The following SAMD5 variants were observed in gnomAD, a reference collection of about 807,000 sequenced individuals.
SAMD5 encodes sterile alpha motif domain-containing protein 5.
Under a neutral mutation model 11.3 loss-of-function variants are expected in SAMD5, and 13 were observed. That is an observed-to-expected ratio of 1.15 (90% CI 0.75 to 1.83). SAMD5 has a LOEUF of 1.83. Ranked by LOEUF, SAMD5 falls within the 40% of genes most tolerant of loss-of-function variation. The pLI, the probability that SAMD5 is intolerant of heterozygous loss-of-function variation, is 0.00. For synonymous variants in SAMD5, 129 were observed against 111.3 expected (o/e 1.16, Z -1.00); for missense variants, 255 against 239.1 (o/e 1.07, Z -0.44).
At chr6:147,515,176 GTTTTTTTTTTTT>G (rs71031029) in intron 1 of SAMD5, among the ~76,000 whole-genome samples, 27 of 75,018 alleles carry the variant, frequency 3.6e-4, no homozygotes, top group African/African-American at 1.1e-3. Flanking sequence ...ATCCTTCCAG[GTTTTTTTTTTTT>G]TTTTTTTTTT....
the SAMD5 span, among the ~76,000 whole-genome samples, chr6:147,877,084 A>T: frequency 2.6e-5 from 2 of 77,386 alleles, no homozygotes; most frequent in Admixed American, 1.2e-4. Context: ...TTTTTATTTA[A>T]AAAAAAATCA....
chr6:147,941,550 G>GT, the SAMD5 span, among the ~76,000 whole-genome samples: 1 of 151,758 alleles, frequency 6.6e-6, no homozygotes, highest in Non-Finnish European at 1.5e-5. Context: ...AATAGAATAT[G>GT]TTTTTTTTAG....
At chr6:147,729,721 G>T (rs1279993939) in intron 1 of SAMD5, 4 of 455,112 alleles carry the variant, frequency 8.8e-6, no homozygotes, top group South Asian at 6.2e-5. Context: ...TATGAACCAT[G>T]TGGAAAGCTG....
In SAMD5 at chr6:147,509,182, C is replaced by A; in HGVS notation, c.254C>A (p.Pro85Gln). 7.8e-7 allele frequency: 1 copy of A among 1,285,732 alleles called. No individual in the cohort carries two copies. The highest frequency in any genetic ancestry group is 1.6e-5 in the African/African-American group (1 of 64,184). 79.6% of individuals were successfully genotyped at this position (1,285,732 alleles called of 1,614,324 possible). A position where few individuals can be genotyped will look rare whatever the true frequency, so the allele number is the denominator to read the frequency against. The change falls in exon 1 of 2, where the codon CCG (proline) becomes CAG (glutamine). Residue 85 changes from proline to glutamine, a missense_variant. Physicochemically the swap from Pro to Gln is moderately conservative, Grantham distance 76 (BLOSUM62 -1). Transcript: ENST00000367474. ...GAGCCGCAGCCGGCGCCCCCCGGGC[C>A]GCCCGCCGACGCCGTCCCCACCGGC... ...TLEPQPAPPGPPADAVPTGRR... is the reference protein window; with the variant it reads ...TLEPQPAPPGQPADAVPTGRR...
At chr6:147,704,930 C>A (rs1197789418) in intron 1 of SAMD5, among the ~76,000 whole-genome samples, 11 of 152,182 alleles carry the variant, frequency 7.2e-5, no homozygotes, top group African/African-American at 2.2e-4. Flanking sequence ...CCCCAGGGGG[C>A]ATCTGGTATG....
the SAMD5 span, among the ~76,000 whole-genome samples, chr6:147,951,223 C>CT: frequency 6.6e-6 from 1 of 150,732 alleles, no homozygotes; most frequent in Non-Finnish European, 1.5e-5. Context: ...CGCTCTGTCG[C>CT]CAGGCTGGAG....
rs181217351 is a variant in SAMD5, at chr6:147,696,525, T to A, written c.163-40792T>A. 2.6e-3 allele frequency among the ~76,000 whole-genome samples: 398 copies of A among 152,316 alleles called. 2 individuals carry two copies. The highest frequency in any genetic ancestry group is 9.4e-3 in the African/African-American group (390 of 41,576). On this transcript the variant is annotated intron_variant, in intron 1 of 1. Coordinates refer to the SAMD5 transcript ENST00000566741. ...ATGGGTCTGGCACCCCTGTTACCCG[T>A]GTGCACTCTGCCTTAGCCCAGCATA...
chr6:147,572,345 G>C (rs1789149664), downstream of SAMD5, among the ~76,000 whole-genome samples: 1 of 152,106 alleles, frequency 6.6e-6, no homozygotes, highest in Admixed American at 6.5e-5. Context: ...CAGATTTTCT[G>C]ACTTTCCTGT....
the SAMD5 span, among the ~76,000 whole-genome samples, chr6:147,870,152 C>T: frequency 2.0e-5 from 3 of 152,094 alleles, no homozygotes; most frequent in South Asian, 6.2e-4. Flanking sequence ...CTCACTGTGG[C>T]TAGTGACTAC....
Position 147,568,955 on chromosome 6 carries a change from G to T in SAMD5, c.*4499G>T, listed in dbSNP as rs924251478. The T allele has an allele frequency of 3.2e-6, 3 of 943,584 alleles. No homozygotes were observed. The highest frequency in any genetic ancestry group is 3.6e-5 in the African/African-American group (2 of 56,300). The allele number at this position is 943,584 out of a possible 1,614,324, so 58.5% of individuals were successfully genotyped here. A position where few individuals can be genotyped will look rare whatever the true frequency, so the allele number is the denominator to read the frequency against. On this transcript the variant is annotated 3_prime_UTR_variant, in exon 2 of 2. Coordinates refer to ENST00000367474, the MANE Select transcript of SAMD5 (RefSeq NM_001030060.3). ...AGTTCAGAAAAAAATGGCTGGGCACGGTGGCTCACGCCTGTAATCCCAGCA... is the reference window on the plus strand; with the variant it reads ...AGTTCAGAAAAAAATGGCTGGGCACTGTGGCTCACGCCTGTAATCCCAGCA...
intron 1 of SAMD5, among the ~76,000 whole-genome samples, chr6:147,534,338 C>T (rs1788476107): frequency 6.6e-6 from 1 of 152,104 alleles, no homozygotes; most frequent in Non-Finnish European, 1.5e-5. Flanking sequence ...ATGTGAAATC[C>T]AAACCTCCCC....
chr6:147,581,058 A>C (rs547823767), intron 1 of SAMD5, among the ~76,000 whole-genome samples: 7 of 152,288 alleles, frequency 4.6e-5, no homozygotes, highest in African/African-American at 1.4e-4. Context: ...TGCCTAAGGT[A>C]AGAACTGCAA....
the SAMD5 span, among the ~76,000 whole-genome samples, chr6:147,755,551 A>G: frequency 9.9e-5 from 15 of 152,258 alleles, no homozygotes; most frequent in South Asian, 2.5e-3. Flanking sequence ...TCAAACCATT[A>G]TCTTCTAACT....
chr6:147,765,604 T>C, the SAMD5 span, among the ~76,000 whole-genome samples: 1 of 152,176 alleles, frequency 6.6e-6, no homozygotes, highest in African/African-American at 2.4e-5. Flanking sequence ...CAGAAGAAAT[T>C]TCCACCTAGC....
At chr6:147,593,910 C>T (rs967094539) in intron 1 of SAMD5, among the ~76,000 whole-genome samples, 2 of 152,052 alleles carry the variant, frequency 1.3e-5, no homozygotes, top group African/African-American at 4.8e-5. Flanking sequence ...GGCAGATCAC[C>T]TGAGGTCAGG....
At chr6:147,529,644 C>A (rs943132703) in intron 1 of SAMD5, among the ~76,000 whole-genome samples, 3 of 152,176 alleles carry the variant, frequency 2.0e-5, no homozygotes, top group Non-Finnish European at 4.4e-5. Flanking sequence ...TGAATAAACT[C>A]ATCAGTAATG....
intron 1 of SAMD5, among the ~76,000 whole-genome samples, chr6:147,553,318 C>G (rs1788802757): frequency 6.6e-6 from 1 of 152,190 alleles, no homozygotes. Flanking sequence ...TTGCCCTGTC[C>G]TGCTTCCATC....
At chr6:147,688,543 G>A (rs966516668) in intron 1 of SAMD5, among the ~76,000 whole-genome samples, 2 of 152,152 alleles carry the variant, frequency 1.3e-5, no homozygotes, top group African/African-American at 4.8e-5. Flanking sequence ...CTTAGTTTTA[G>A]CATAGAGCCT....
At chr6:147,846,806 C>T in the SAMD5 span, among the ~76,000 whole-genome samples, 22 of 152,160 alleles carry the variant, frequency 1.4e-4, 1 homozygote, top group Middle Eastern at 3.4e-3. Flanking sequence ...GGTGACAGAG[C>T]GAAACTGTCT....
Sources: gnomAD v4.1 joint callset for allele counts (sites outside exome capture counted in the v4.1 genomes callset) on GRCh38, gnomAD v4.1.1 for gene constraint, MANE v1.5 for transcripts, NCBI Gene and HGNC (gene_info 2026-07-23, HGNC 2026-07-21) for gene names.